ABCC11: variants seen among roughly 807,000 people sequenced by gnomAD.
ABCC11 encodes ATP binding cassette subfamily C member 11.
Under a neutral mutation model 149.3 loss-of-function variants are expected in ABCC11, and 135 were observed. That is an observed-to-expected ratio of 0.90 (90% CI 0.79 to 1.04). ABCC11 has a LOEUF of 1.04. Ranked by LOEUF, ABCC11 falls within the 50% of genes least tolerant of loss-of-function variation. The pLI is 0.00. For synonymous variants in ABCC11, 665 were observed against 671.4 expected, an observed-to-expected ratio of 0.99 and a Z score of 0.15; for missense variants, 1,680 against 1,722.1, an observed-to-expected ratio of 0.98 and a Z score of 0.43.
At chr16:48,203,156 C>G in intron 14 of ABCC11, 72 bp downstream of exon 14, 1 of 1,449,494 alleles carries the variant, frequency 6.9e-7, no homozygotes, top group Non-Finnish European at 9.4e-7. Flanking sequence ...CCTCCCTTCC[C>G]TGCCTGGGGA....
intron 1 of ABCC11, chr16:48,244,266 C>A: frequency 1.5e-6 from 1 of 683,900 alleles, no homozygotes; most frequent in Non-Finnish European, 2.3e-6. Context: ...GGGGACGGAC[C>A]GTAGCGCGTA....
chr16:48,230,704 C>G (rs561508703), intron 2 of ABCC11, 131 bp from the exon 3 acceptor site: 2 of 1,091,942 alleles, frequency 1.8e-6, no homozygotes, highest in African/African-American at 1.6e-5. Context: ...GCTTCCATAC[C>G]GAGAATAAGC....
Position 48,175,337 on chromosome 16 carries a change from A to G in ABCC11, c.3619T>C (p.Cys1207Arg), listed in dbSNP as rs1007888116. ...GRILIDGVDI[C>R]SIGLEDLRSK... ...CGCAAGTCCTCCAGGCCGATGCTGC[A>G]AATGTCCACGCCGTCAATGAGAATC... The change falls in exon 26 of 30, where the codon TGC (cysteine) becomes CGC (arginine). Residue 1207 changes from cysteine (C) to arginine (R), a missense_variant. Coordinates refer to ENST00000356608, the MANE Select transcript of ABCC11 (RefSeq NM_001370497.1). 1 of 1,614,216 alleles carries G rather than the reference A, an allele frequency of 6.2e-7. No homozygotes were observed. The highest frequency in any genetic ancestry group is 1.6e-4 in the Middle Eastern group (1 of 6,062).
At position 48,215,284 on chromosome 16, in the gene ABCC11, G is replaced by T. The variant is rs770963638; in HGVS notation, c.1012C>A (p.Arg338Ser). 1 of 1,614,122 alleles carries T rather than the reference G, an allele frequency of 6.2e-7. No individual in the cohort carries two copies. The highest frequency in any genetic ancestry group is 8.5e-7 in the Non-Finnish European group (1 of 1,179,976). ...AGAACTTCACTGGTCACACGGATGC[G>T]CTGGTCGCTGACCTCAGATGTGTGA... is the stretch of plus-strand genomic sequence containing the variant. ...QHHTSEVSDQ[R>S]IRVTSEVLTC... Residue 338 changes from arginine to serine, a missense_variant, in exon 8 of 30, where the codon CGC (arginine) becomes AGC (serine). Physicochemically the swap from Arg to Ser is moderately radical, Grantham distance 110. Transcript: ENST00000356608.
Position 48,177,121 on chromosome 16 carries a change from T to C in ABCC11, c.3349-8A>G, listed in dbSNP as rs763480791. ...AGCTTCCGAGACACACATCTTGTTT[T>C]TGAAGAAAGAAAAAGAAATCAATAG... On this transcript the variant is annotated splice_polypyrimidine_tract_variant and splice_region_variant and intron_variant, in intron 24 of 29. Transcript: ENST00000356608. 6 of 1,609,596 alleles carry C rather than the reference T, an allele frequency of 3.7e-6. No homozygotes were observed. In the Admixed American group the frequency reaches 8.5e-5, roughly 23 times the overall value.
In ABCC11 at chr16:48,215,282, G is replaced by A. The variant is rs777716838; in HGVS notation, c.1014C>T (p.Arg338=). ...QHHTSEVSDQ[R]IRVTSEVLTC... Reference sequence around the variant, plus strand: ...TGAGAACTTCACTGGTCACACGGATGCGCTGGTCGCTGACCTCAGATGTGT... The same window carrying A: ...TGAGAACTTCACTGGTCACACGGATACGCTGGTCGCTGACCTCAGATGTGT... Residue 338 remains arginine, a synonymous_variant, in exon 8 of 30, where the codon CGC becomes CGT. Coordinates refer to ENST00000356608, the MANE Select transcript of ABCC11 (RefSeq NM_001370497.1). The A allele has an allele frequency of 1.2e-6, 2 of 1,614,200 alleles. No individual in the cohort carries two copies. Among genetic ancestry groups the A allele is most frequent in the East Asian group, 2.2e-5 (1 of 44,892 alleles).
At chr16:48,202,963 C>T (rs868862895) in intron 14 of ABCC11, among the ~76,000 whole-genome samples, 13 of 152,296 alleles carry the variant, frequency 8.5e-5, no homozygotes, top group Admixed American at 2.6e-4. Flanking sequence ...ACAGGGTCTC[C>T]GCTCTTGCTT....
chr16:48,183,297 G>A (rs1264512962), intron 23 of ABCC11, among the ~76,000 whole-genome samples: 2 of 152,216 alleles, frequency 1.3e-5, no homozygotes, highest in South Asian at 2.1e-4. Flanking sequence ...AGGCCTTGGG[G>A]CCTTCACGGA....
intron 9 of ABCC11, 34 bp from the exon 10 acceptor site, chr16:48,213,584 T>C (rs781444145): frequency 1.3e-6 from 2 of 1,538,538 alleles, no homozygotes; most frequent in Admixed American, 1.9e-5. Context: ...GTGAGGGTCG[T>C]GGCCCTTCCT....
At chr16:48,215,611 A>G (rs535762761) in intron 7 of ABCC11, among the ~76,000 whole-genome samples, 165 of 152,194 alleles carry the variant, frequency 1.1e-3, no homozygotes, top group Non-Finnish European at 2.1e-3. Context: ...AATAATTAAA[A>G]TCATCTTTCC....
In ABCC11 at chr16:48,182,548, A is replaced by G. The variant is rs1966505562; in HGVS notation, c.3258+1892T>C. Among the ~76,000 whole-genome samples the G allele has an allele frequency of 2.0e-5, 3 of 152,080 alleles. No homozygotes were observed. In the South Asian group the frequency reaches 6.2e-4, roughly 31 times the overall value. On this transcript the variant is annotated intron_variant, in intron 23 of 29. Transcript: ENST00000356608. The stretch of plus-strand genomic sequence containing the variant: ...TAATCCCAGCACTTTGAGAGGCCAA[A>G]GTGGGTGGATCACGAGGTCAGGAGA...
rs575119099 is a variant in ABCC11, at chr16:48,208,863, C to T, written c.1609-367G>A. Among the ~76,000 whole-genome samples, 12 of 152,328 alleles carry T rather than the reference C, an allele frequency of 7.9e-5. No homozygotes were observed. In the South Asian group the frequency reaches 1.9e-3, roughly 24 times the overall value. Reference sequence around the variant, plus strand: ...AATGGGAATAAAGAAGCCAGCCTCACAGAATTTCATGCATGCATGCATGCA... The same window carrying T: ...AATGGGAATAAAGAAGCCAGCCTCATAGAATTTCATGCATGCATGCATGCA... On this transcript the variant is annotated intron_variant, in intron 11 of 29. Transcript: ENST00000356608.
intron 6 of ABCC11, among the ~76,000 whole-genome samples, chr16:48,220,449 C>T (rs544221605): frequency 6.6e-6 from 1 of 152,304 alleles, no homozygotes; most frequent in East Asian, 1.9e-4. Context: ...GGGGTTGTTA[C>T]GATGACTTTC....
rs759832632 is a variant in ABCC11 at position 48,196,220 on chromosome 16, T to A, written c.2404+12A>T. 1 of 1,613,940 alleles carries A rather than the reference T, an allele frequency of 6.2e-7. No homozygotes were observed. Among genetic ancestry groups the A allele is most frequent in the Non-Finnish European group, 8.5e-7 (1 of 1,179,878 alleles). On this transcript the variant is annotated intron_variant, in intron 18 of 29. Coordinates refer to ENST00000356608, the MANE Select transcript of ABCC11 (RefSeq NM_001370497.1). ...TCCAAGAGAGAGCCCTGGGCTGGCA[T>A]GGGGACCGTACCTCCAGCTGCCTGG...
chr16:48,242,771 T>C (rs972496385), intron 1 of ABCC11, among the ~76,000 whole-genome samples: 2 of 152,132 alleles, frequency 1.3e-5, no homozygotes, highest in African/African-American at 4.8e-5. Flanking sequence ...CTGGAAACCA[T>C]CATTCTGAGC....
chr16:48,238,426 T>G (rs1276778138), intron 1 of ABCC11, among the ~76,000 whole-genome samples: 1 of 152,146 alleles, frequency 6.6e-6, no homozygotes, highest in Non-Finnish European at 1.5e-5. Flanking sequence ...GCTCAGGGCC[T>G]GGCACTGAGA....
chr16:48,182,874 G>A (rs1249285752), intron 23 of ABCC11, among the ~76,000 whole-genome samples: 3 of 152,010 alleles, frequency 2.0e-5, no homozygotes, highest in African/African-American at 7.2e-5. Flanking sequence ...GGATAAATTG[G>A]TTAACCTCTC....
rs2150709985 is a variant in ABCC11 at position 48,170,090 on chromosome 16, C to T, written c.3891+15G>A. Reference sequence around the variant, plus strand: ...TCTGTGGCTTCCCCTGGCCACACGGCAGTGGTGGCCTCACCTTGGAGTTGC... The same window carrying T: ...TCTGTGGCTTCCCCTGGCCACACGGTAGTGGTGGCCTCACCTTGGAGTTGC... On this transcript the variant is annotated intron_variant, in intron 28 of 29. Transcript: ENST00000356608. 1 of 1,602,822 alleles carries T rather than the reference C, an allele frequency of 6.2e-7. No homozygotes were observed. The highest frequency in any genetic ancestry group is 1.1e-5 in the South Asian group (1 of 90,736).
intron 6 of ABCC11, among the ~76,000 whole-genome samples, chr16:48,219,644 AAG>A (rs1969599047): frequency 6.6e-6 from 1 of 152,210 alleles, no homozygotes; most frequent in South Asian, 2.1e-4. Context: ...AGAAAGGACA[AAG>A]AAATGTTTTT....
Sources: gnomAD v4.1 joint callset for allele counts (sites outside exome capture counted in the v4.1 genomes callset) on GRCh38, gnomAD v4.1.1 for gene constraint, MANE v1.5 for transcripts, NCBI Gene and HGNC (gene_info 2026-07-23, HGNC 2026-07-21) for gene names.